The following PLPP1 variants were observed in gnomAD, a reference collection of about 807,000 sequenced individuals.
PLPP1 encodes phospholipid phosphatase 1.
PLPP1 carries 24 observed loss-of-function variants against 31.2 expected under a neutral mutation model. The observed-to-expected ratio is 0.77, with a 90% CI of 0.56 to 1.08. The LOEUF is 1.08. PLPP1 is among the 50% of genes least tolerant of loss of function. The pLI, the probability that PLPP1 is intolerant of heterozygous loss-of-function variation, is 0.00. For synonymous variants in PLPP1, 146 were observed against 126.3 expected, an observed-to-expected ratio of 1.16 and a Z score of -1.05; for missense variants, 319 against 342.7, an observed-to-expected ratio of 0.93 and a Z score of 0.55.
At chr5:55,529,973 A>G (rs1692468973) in intron 1 of PLPP1, among the ~76,000 whole-genome samples, 1 of 152,204 alleles carries the variant, frequency 6.6e-6, no homozygotes, top group Admixed American at 6.5e-5. Flanking sequence ...CATAACTTTC[A>G]TTTTTTAACT....
chr5:55,487,621 T>C (rs1385998654), intron 1 of PLPP1, among the ~76,000 whole-genome samples: 6 of 152,222 alleles, frequency 3.9e-5, no homozygotes, highest in Non-Finnish European at 1.5e-5. Context: ...ATCTTAATTC[T>C]GATCAAATTA....
At chr5:55,515,876 C>T (rs918555833) in intron 1 of PLPP1, among the ~76,000 whole-genome samples, 2 of 152,094 alleles carry the variant, frequency 1.3e-5, no homozygotes, top group African/African-American at 4.8e-5. Context: ...AATATGCCAA[C>T]GATTCTCAAA....
chr5:55,482,058 A>AG (rs1752676945), intron 1 of PLPP1, among the ~76,000 whole-genome samples: 1 of 147,712 alleles, frequency 6.8e-6, no homozygotes, highest in African/African-American at 2.5e-5. Context: ...ATACATCCAA[A>AG]GGGGGAAATA....
intron 2 of PLPP1, among the ~76,000 whole-genome samples, chr5:55,473,997 G>GTTTTTT (rs756603259): frequency 4.2e-3 from 117 of 28,034 alleles, no homozygotes; most frequent in Non-Finnish European, 7.7e-3. Context: ...TTTGTTTGTT[G>GTTTTTT]TTTTTTTTTT....
At chr5:55,443,692 T>C (rs967854760) in intron 3 of PLPP1, among the ~76,000 whole-genome samples, 1 of 152,230 alleles carries the variant, frequency 6.6e-6, no homozygotes, top group African/African-American at 2.4e-5. Flanking sequence ...GAATCAGCCA[T>C]AGAATGATTT....
chr5:55,500,077 ATTTTTT>A (rs72040194), intron 1 of PLPP1, among the ~76,000 whole-genome samples: 2 of 112,482 alleles, frequency 1.8e-5, no homozygotes, highest in Admixed American at 9.5e-5. Context: ...TTCTCTAAAA[ATTTTTT>A]TTTTTTTTTT....
At chr5:55,458,275 A>G (rs1030899278) in intron 3 of PLPP1, among the ~76,000 whole-genome samples, 2 of 152,186 alleles carry the variant, frequency 1.3e-5, no homozygotes, top group Admixed American at 6.5e-5. Flanking sequence ...AAAAGCTTGG[A>G]TATTTATGCC....
intron 3 of PLPP1, among the ~76,000 whole-genome samples, chr5:55,455,981 T>G (rs1751996574): frequency 6.6e-6 from 1 of 151,950 alleles, no homozygotes; most frequent in South Asian, 2.1e-4. Flanking sequence ...GCTACAGATG[T>G]GAACTACCTG....
chr5:55,491,873 A>AAAAAAG lies in PLPP1; in HGVS notation c.59-16424_59-16423insCTTTTT, dbSNP rs1752898896. Among the ~76,000 whole-genome samples, 3 of 143,504 alleles carry AAAAAAG rather than the reference A, an allele frequency of 2.1e-5. No individual in the cohort carries two copies. In the South Asian group the frequency reaches 6.8e-4, roughly 32 times the overall value. 94.1% of individuals were successfully genotyped at this position (143,504 alleles called of 152,430 possible). A position where few individuals can be genotyped will look rare whatever the true frequency, so the allele number is the denominator to read the frequency against. On this transcript the variant is annotated intron_variant, in intron 1 of 5. Transcript: ENST00000307259. ...ACTCAATCTCAGGAAAAAAAAAAAAAAAAGAAAGAAAAGAAAGAAAAAGAG... is the reference window on the plus strand; with the variant it reads ...ACTCAATCTCAGGAAAAAAAAAAAAAAAAAAGAAAGAAAGAAAAGAAAGAAAAAGAG...
intron 3 of PLPP1, among the ~76,000 whole-genome samples, chr5:55,456,929 A>G (rs1324248060): frequency 1.3e-5 from 2 of 152,168 alleles, no homozygotes; most frequent in Non-Finnish European, 1.5e-5. Context: ...TGGGAGGCTA[A>G]GGTGGGCAGA....
intron 3 of PLPP1, among the ~76,000 whole-genome samples, chr5:55,445,567 C>G (rs1640688047): frequency 2.8e-5 from 3 of 106,696 alleles, no homozygotes; most frequent in Non-Finnish European, 1.7e-5. Flanking sequence ...TTTTTTGAGA[C>G]AGAGTCTCAC....
rs1251714407 is a variant in PLPP1, at chr5:55,426,050, A to G, written c.550-11T>C. ...GGCTTGAAGATAAAGCTAAAAGAAA[A>G]GAATAAAGAAAAAAATAGTTTATTT... On this transcript the variant is annotated splice_polypyrimidine_tract_variant and intron_variant, in intron 4 of 5. Transcript: ENST00000307259. 1 of 1,568,616 alleles carries G rather than the reference A, an allele frequency of 6.4e-7. No individual in the cohort carries two copies. The highest frequency in any genetic ancestry group is 8.6e-7 in the Non-Finnish European group (1 of 1,164,228).
chr5:55,468,208 C>T lies in PLPP1; in HGVS notation c.211-59G>A, dbSNP rs556155663. ...TAGCAAGCAGGCACTTTAAACAAAA[C>T]AAAACATAGGGGGAAAAAAGGAAAT... On this transcript the variant is annotated intron_variant, in intron 2 of 5. Coordinates refer to ENST00000307259, the MANE Select transcript of PLPP1 (RefSeq NM_003711.4). 1.9e-5 allele frequency: 27 copies of T among 1,410,784 alleles called. 1 individual carries two copies. In the South Asian group the frequency reaches 3.8e-4, roughly 20 times the overall value. 87.4% of individuals were successfully genotyped at this position (1,410,784 alleles called of 1,614,324 possible).
intron 1 of PLPP1, among the ~76,000 whole-genome samples, chr5:55,486,484 G>T (rs1752777271): frequency 6.6e-6 from 1 of 152,030 alleles, no homozygotes; most frequent in Non-Finnish European, 1.5e-5. Flanking sequence ...TACTTGGAAG[G>T]CTGAGGCAGG....
chr5:55,514,847 C>A (rs895367369), intron 1 of PLPP1, among the ~76,000 whole-genome samples: 1 of 152,124 alleles, frequency 6.6e-6, no homozygotes, highest in African/African-American at 2.4e-5. Flanking sequence ...GGAAGGATTC[C>A]CACAAATGAT....
chr5:55,503,541 C>A (rs1038158815), intron 1 of PLPP1, among the ~76,000 whole-genome samples: 1 of 150,246 alleles, frequency 6.7e-6, no homozygotes, highest in Non-Finnish European at 1.5e-5. Flanking sequence ...TTTGGGAGGC[C>A]GAGGCAGGCA....
intron 1 of PLPP1, among the ~76,000 whole-genome samples, chr5:55,522,259 C>T (rs1425407568): frequency 4.6e-5 from 7 of 152,190 alleles, no homozygotes; most frequent in Non-Finnish European, 1.0e-4. Context: ...CCTATAACAA[C>T]GCTATTTGAA....
chr5:55,489,730 A>G (rs1283701059), intron 1 of PLPP1, among the ~76,000 whole-genome samples: 1 of 152,186 alleles, frequency 6.6e-6, no homozygotes, highest in Non-Finnish European at 1.5e-5. Flanking sequence ...TTTGGAGGCA[A>G]AATAGAGAGA....
intron 4 of PLPP1, among the ~76,000 whole-genome samples, chr5:55,429,962 G>A (rs556858580): frequency 3.9e-5 from 6 of 152,134 alleles, no homozygotes; most frequent in African/African-American, 9.6e-5. Context: ...TATCCAGCCC[G>A]GCTCCACCTA....
Sources: gnomAD v4.1 joint callset for allele counts (sites outside exome capture counted in the v4.1 genomes callset) on GRCh38, gnomAD v4.1.1 for gene constraint, MANE v1.5 for transcripts, NCBI Gene and HGNC (gene_info 2026-07-23, HGNC 2026-07-21) for gene names.